The following ZBTB7C variants were observed in gnomAD, a reference collection of about 807,000 sequenced individuals.
The protein encoded by ZBTB7C is zinc finger and BTB domain containing 7C, also known as zinc finger and BTB domain-containing protein 7C.
A neutral mutation model predicts 25.7 loss-of-function variants in ZBTB7C; 8 were observed. The ratio of observed to expected loss-of-function variants is 0.31; its 90% confidence interval spans 0.18 to 0.56. The LOEUF (loss-of-function observed/expected upper bound fraction) is 0.56, where lower values mean the gene tolerates loss of function less well. Among genes scored for constraint, ZBTB7C ranks in the 20% least tolerant of loss-of-function variants. The pLI is 0.91. For synonymous variants in ZBTB7C, 394 were observed against 369.0 expected (o/e 1.07, Z -0.78); for missense variants, 824 against 855.2 (o/e 0.96, Z 0.46).
intron 2 of ZBTB7C, among the ~76,000 whole-genome samples, chr18:48,238,696 T>G (rs375810905): frequency 2.0e-5 from 3 of 152,188 alleles, no homozygotes; most frequent in Non-Finnish European, 2.9e-5. Context: ...GCCAGTGGAA[T>G]TGGGGAAGGA....
chr18:48,216,339 G>C (rs929222081), intron 2 of ZBTB7C, among the ~76,000 whole-genome samples: 1 of 152,118 alleles, frequency 6.6e-6, no homozygotes, highest in Admixed American at 6.5e-5. Context: ...GAAGCCTGAG[G>C]GGGTAGAAAA....
intron 1 of ZBTB7C, among the ~76,000 whole-genome samples, chr18:48,359,651 T>G (rs750526028): frequency 6.6e-6 from 1 of 152,290 alleles, no homozygotes; most frequent in Non-Finnish European, 1.5e-5. Flanking sequence ...GCTGGTGGTG[T>G]TAGTTCTGCG....
chr18:48,040,680 T>A lies in ZBTB7C; in HGVS notation c.428A>T (p.Asp143Val). ...GGEEDDKEDD[D>V]DDEDDDDEED... ...CTCATCATCATCATCTTCGTCGTCG[T>A]CATCGTCCTCCTTGTCATCCTCCTC... Residue 143 changes from aspartate (D) to valine (V), a missense_variant, in exon 4 of 5, where the codon GAC becomes GTC. By Grantham distance (152) the Asp-to-Val change is radical (BLOSUM62 -3). Transcript: ENST00000590800. 6.2e-7 allele frequency: 1 copy of A among 1,613,832 alleles called. No homozygotes were observed. The highest frequency in any genetic ancestry group is 8.5e-7 in the Non-Finnish European group (1 of 1,179,862).
chr18:48,312,115 C>G (rs531594587), intron 2 of ZBTB7C, among the ~76,000 whole-genome samples: 10 of 152,324 alleles, frequency 6.6e-5, no homozygotes, highest in African/African-American at 2.4e-4. Context: ...GCTCAGGGCA[C>G]ATGAAAGGAG....
Position 48,029,294 on chromosome 18 carries a change from T to C in ZBTB7C, c.1826A>G (p.Asn609Ser). ...GGCTTCGGACATGGAGGCCACGTGG[T>C]TGAGGCCGGCGAGCCCAGGGAGGCC... The part of the protein sequence containing the change: ...LAGLPGLAGL[N>S]HVASMSEANN The change falls in exon 5 of 5, where the codon AAC becomes AGC. Residue 609 changes from asparagine to serine, a missense_variant. By Grantham distance (46) the Asn-to-Ser change is conservative (BLOSUM62 1). Coordinates refer to ENST00000590800, the MANE Select transcript of ZBTB7C (RefSeq NM_001318841.2). 1 of 1,538,576 alleles carries C rather than the reference T, an allele frequency of 6.5e-7. No homozygotes were observed. The highest frequency in any genetic ancestry group is 8.7e-7 in the Non-Finnish European group (1 of 1,148,644).
At chr18:48,118,517 T>C (rs1476375837) in intron 3 of ZBTB7C, among the ~76,000 whole-genome samples, 1 of 152,224 alleles carries the variant, frequency 6.6e-6, no homozygotes, top group African/African-American at 2.4e-5. Flanking sequence ...TAGTAAAAAG[T>C]TCATTAAGAA....
chr18:48,131,627 A>G (rs2039988552), intron 3 of ZBTB7C, among the ~76,000 whole-genome samples: 1 of 152,230 alleles, frequency 6.6e-6, no homozygotes, highest in East Asian at 1.9e-4. Flanking sequence ...GAGCTGAAAT[A>G]TCAGCATGAA....
intron 1 of ZBTB7C, among the ~76,000 whole-genome samples, chr18:48,347,035 A>G (rs2046747221): frequency 1.3e-5 from 2 of 151,432 alleles, no homozygotes; most frequent in Admixed American, 6.6e-5. Context: ...CACAAGCCTC[A>G]GCCTCCCAAA....
At chr18:48,398,101 C>T (rs1257571094) in intron 1 of ZBTB7C, among the ~76,000 whole-genome samples, 1 of 152,228 alleles carries the variant, frequency 6.6e-6, no homozygotes, top group Non-Finnish European at 1.5e-5. Context: ...CCTGAAAGGG[C>T]CGGCTGCCGG....
Position 48,362,811 on chromosome 18 carries a change from C to G in ZBTB7C, c.-303-24413G>C, listed in dbSNP as rs141993571. 2.0e-3 allele frequency among the ~76,000 whole-genome samples: 310 copies of G among 152,288 alleles called. 1 individual carries two copies. Among genetic ancestry groups the G allele is most frequent in the Non-Finnish European group, 2.7e-3 (184 of 68,034 alleles). ...GGAGTTCCTTACCTCCTACTCTAAA[C>G]TAGCACCTTCTATGGTCTGTTGTGA... On this transcript the variant is annotated intron_variant, in intron 1 of 4. Coordinates refer to ENST00000590800, the MANE Select transcript of ZBTB7C (RefSeq NM_001318841.2).
At chr18:48,328,292 C>T (rs12964501) in intron 2 of ZBTB7C, among the ~76,000 whole-genome samples, 35,038 of 151,402 alleles carry the variant, frequency 0.23, 4,953 homozygotes, top group East Asian at 0.66. Context: ...TCCATGGTAA[C>T]AGTAGAGATA....
chr18:48,080,809 C>A (rs1414493585), intron 3 of ZBTB7C, among the ~76,000 whole-genome samples: 1 of 152,226 alleles, frequency 6.6e-6, no homozygotes, highest in African/African-American at 2.4e-5. Context: ...GGCCAGGCAA[C>A]CCGAGAGCCC....
At chr18:48,228,976 A>T (rs565029587) in intron 2 of ZBTB7C, among the ~76,000 whole-genome samples, 1 of 152,198 alleles carries the variant, frequency 6.6e-6, no homozygotes, top group East Asian at 1.9e-4. Context: ...AGAGCCTCGA[A>T]CCATCTGGAA....
At chr18:48,245,088 G>GTATA (rs1384990097) in intron 2 of ZBTB7C, among the ~76,000 whole-genome samples, 14 of 43,672 alleles carry the variant, frequency 3.2e-4, no homozygotes, top group South Asian at 2.8e-3. Flanking sequence ...TAGTGTGTGT[G>GTATA]TGTGTATATA....
chr18:48,129,940 G>A (rs1013499104), intron 3 of ZBTB7C, among the ~76,000 whole-genome samples: 33 of 152,194 alleles, frequency 2.2e-4, no homozygotes, highest in Non-Finnish European at 1.3e-4. Context: ...CTGCCTCCCT[G>A]CTCCCTAGCA....
intron 1 of ZBTB7C, among the ~76,000 whole-genome samples, chr18:48,385,070 AG>A (rs1373122526): frequency 6.6e-6 from 1 of 152,180 alleles, no homozygotes; most frequent in African/African-American, 2.4e-5. Context: ...AAGCAGCAGA[AG>A]GTCATGTGAG....
intron 3 of ZBTB7C, among the ~76,000 whole-genome samples, chr18:48,126,399 C>T (rs371436541): frequency 3.3e-5 from 5 of 152,138 alleles, no homozygotes; most frequent in African/African-American, 4.8e-5. Flanking sequence ...CTTATGAGAG[C>T]GGCGCTCTGA....
chr18:48,401,450 C>T (rs2048157266), intron 1 of ZBTB7C, among the ~76,000 whole-genome samples: 1 of 152,264 alleles, frequency 6.6e-6, no homozygotes, highest in Admixed American at 6.5e-5. Flanking sequence ...AACTGATACT[C>T]AGAGAGCTTA....
intron 2 of ZBTB7C, among the ~76,000 whole-genome samples, chr18:48,187,751 G>A (rs1417976291): frequency 6.7e-6 from 1 of 148,246 alleles, no homozygotes; most frequent in Non-Finnish European, 1.5e-5. Flanking sequence ...AACCCGGGAG[G>A]CAGAGCTTGC....
Sources: allele counts gnomAD v4.1 joint callset (sites outside exome capture counted in the v4.1 genomes callset), GRCh38; gene constraint gnomAD v4.1.1; transcripts MANE v1.5; gene names NCBI Gene and HGNC (gene_info 2026-07-23, HGNC 2026-07-21).